The following B3GNT6 variants were observed in gnomAD, a reference collection of about 807,000 sequenced individuals.
B3GNT6 encodes the protein acetylgalactosaminyl-O-glycosyl-glycoprotein beta-1,3-N-acetylglucosaminyltransferase.
For missense variants in B3GNT6, 624 were observed against 568.6 expected (o/e 1.10, Z -0.99); for synonymous variants, 300 against 270.0 (o/e 1.11, Z -1.09).
chr11:77,040,285 T>C lies in B3GNT6; in HGVS notation c.734T>C (p.Leu245Pro), dbSNP rs1555027683. 1.3e-6 allele frequency: 2 copies of C among 1,593,372 alleles called. No homozygotes were observed. The highest frequency in any genetic ancestry group is 2.2e-5 in the South Asian group (2 of 89,962). ...FLQAQPPGRH[L>P]FSGQLMEGSV... ...CAGGCGCAGCCACCCGGCCGCCACC[T>C]GTTCTCCGGCCAGCTCATGGAGGGC... The change falls in exon 2 of 2, where the codon CTG becomes CCG. Residue 245 changes from leucine (L) to proline (P), a missense_variant. By Grantham distance (98) the Leu-to-Pro change is moderately conservative. Coordinates refer to ENST00000622824, the MANE Select transcript of B3GNT6 (RefSeq NM_138706.5).
chr11:77,036,346 T>C (rs7103667), intron 1 of B3GNT6, among the ~76,000 whole-genome samples: 47,738 of 152,060 alleles, frequency 0.31, 8,215 homozygotes, highest in South Asian at 0.44. Flanking sequence ...ACTCAGTGAT[T>C]ACATCCACAC....
chr11:77,040,260 C>A lies in B3GNT6; in HGVS notation c.709C>A (p.Gln237Lys), dbSNP rs1490101980. ...CACCGCCAACGTAGTCCGCTTCCTG[C>A]AGGCGCAGCCACCCGGCCGCCACCT... Reference protein sequence around the residue: ...VHTANVVRFLQAQPPGRHLFS... With the variant: ...VHTANVVRFLKAQPPGRHLFS... Residue 237 changes from glutamine to lysine, a missense_variant, in exon 2 of 2, where the codon CAG (glutamine) becomes AAG (lysine). Physicochemically the swap from Gln to Lys is moderately conservative, Grantham distance 53 (BLOSUM62 1). Coordinates refer to ENST00000622824, the MANE Select transcript of B3GNT6 (RefSeq NM_138706.5). 1.3e-6 allele frequency: 2 copies of A among 1,597,212 alleles called. No homozygotes were observed. Among genetic ancestry groups the A allele is most frequent in the Non-Finnish European group, 1.7e-6 (2 of 1,178,970 alleles).
intron 1 of B3GNT6, among the ~76,000 whole-genome samples, chr11:77,038,119 TAGAG>T (rs1949652593): frequency 2.0e-4 from 3 of 15,012 alleles, no homozygotes; most frequent in Admixed American, 1.0e-3. Context: ...GAAGGGAGGA[TAGAG>T]GAGGGAGGAG....
chr11:77,039,519 T>A lies in B3GNT6; in HGVS notation c.1-33T>A, dbSNP rs186525261. 8.9e-4 allele frequency: 1,360 copies of A among 1,531,796 alleles called. 10 individuals are homozygous for A. In the African/African-American group the frequency reaches 0.017, roughly 19 times the overall value. 94.9% of individuals were successfully genotyped at this position (1,531,796 alleles called of 1,614,324 possible). On this transcript the variant is annotated intron_variant, in intron 1 of 1. Transcript: ENST00000622824. The stretch of plus-strand genomic sequence containing the variant: ...TGTCCTGCCGGTGTCAAAGACGACT[T>A]CCGGCTCACCTCTGACTCGGTTTCC...
In B3GNT6 at chr11:77,040,442, G is replaced by C; in HGVS notation, c.891G>C (p.Ala297=). ...GCCCCACGGCCCGGGCCCTGCGCGCGGCCGCCCGCCACACCCCGCTCTTCC... is the reference window on the plus strand; with the variant it reads ...GCCCCACGGCCCGGGCCCTGCGCGCCGCCGCCCGCCACACCCCGCTCTTCC... ...LSGPTARALR[A]AARHTPLFPI... is the part of the protein sequence containing the mutation. The change falls in exon 2 of 2, where the codon GCG becomes GCC. Residue 297 remains alanine (A), a synonymous_variant. Transcript: ENST00000622824. The C allele has an allele frequency of 1.3e-6, 2 of 1,529,896 alleles. No homozygotes were observed. Among genetic ancestry groups the C allele is most frequent in the Non-Finnish European group, 1.7e-6 (2 of 1,144,442 alleles). The allele number at this position is 1,529,896 out of a possible 1,614,324, so 94.8% of individuals were successfully genotyped here. A position where few individuals can be genotyped will look rare whatever the true frequency, so the allele number is the denominator to read the frequency against.
chr11:77,034,539 T>C, intron 1 of B3GNT6, 61 bp downstream of exon 1: 1 of 152,788 alleles, frequency 6.5e-6, no homozygotes, highest in Non-Finnish European at 1.5e-5. Flanking sequence ...CTTCTTCGCA[T>C]TCCCCTCTAA....
At position 77,040,372 on chromosome 11, in the gene B3GNT6, C is replaced by T. The variant is rs1949675624; in HGVS notation, c.821C>T (p.Ser274Phe). The T allele has an allele frequency of 4.6e-6, 7 of 1,536,944 alleles. No individual in the cohort carries two copies. The highest frequency in any genetic ancestry group is 1.7e-4 in the Middle Eastern group (1 of 5,954). The change falls in exon 2 of 2, where the codon TCC becomes TTC. Residue 274 changes from serine (S) to phenylalanine (F), a missense_variant. Coordinates refer to ENST00000622824, the MANE Select transcript of B3GNT6 (RefSeq NM_138706.5). ...YFVPPQLFPG[S>F]AYPVYCSGGG... Reference sequence around the variant, plus strand: ...GTGCCGCCGCAGCTCTTCCCCGGGTCCGCTTACCCGGTGTACTGCAGCGGC... The same window carrying T: ...GTGCCGCCGCAGCTCTTCCCCGGGTTCGCTTACCCGGTGTACTGCAGCGGC...
chr11:77,039,833 G>A lies in B3GNT6; in HGVS notation c.282G>A (p.Arg94=), dbSNP rs1555027468. 1 of 1,574,758 alleles carries A rather than the reference G, an allele frequency of 6.4e-7. No individual in the cohort carries two copies. Among genetic ancestry groups the A allele is most frequent in the Non-Finnish European group, 8.6e-7 (1 of 1,166,824 alleles). Residue 94 remains arginine, a synonymous_variant, in exon 2 of 2, where the codon CGG becomes CGA. Coordinates refer to ENST00000622824, the MANE Select transcript of B3GNT6 (RefSeq NM_138706.5). ...QLPARIQDFL[R]YRHCRHFPLL... ...CCGCGCGCATCCAGGACTTCCTGCGGTACCGCCACTGCCGCCACTTCCCGC... is the reference window on the plus strand; with the variant it reads ...CCGCGCGCATCCAGGACTTCCTGCGATACCGCCACTGCCGCCACTTCCCGC...
At position 77,040,021 on chromosome 11, in the gene B3GNT6, T is replaced by C. The variant is rs782808940; in HGVS notation, c.470T>C (p.Leu157Ser). ...GGRPVRRLFLLGTPGPEDEAR... is the reference protein window; with the variant it reads ...GGRPVRRLFLSGTPGPEDEAR... ...CGGCCAGTGCGCCGCCTCTTTCTAT[T>C]GGGCACCCCGGGCCCCGAGGACGAG... The change falls in exon 2 of 2, where the codon TTG (leucine) becomes TCG (serine). Residue 157 changes from leucine to serine, a missense_variant. By Grantham distance (145) the Leu-to-Ser change is moderately radical (BLOSUM62 -2). Coordinates refer to ENST00000622824, the MANE Select transcript of B3GNT6 (RefSeq NM_138706.5). 3.2e-6 allele frequency: 5 copies of C among 1,579,196 alleles called. No homozygotes were observed. In the South Asian group the frequency reaches 4.5e-5, roughly 14 times the overall value.
At position 77,040,142 on chromosome 11, in the gene B3GNT6, C is replaced by A. The variant is rs782349177; in HGVS notation, c.591C>A (p.Leu197=). The A allele has an allele frequency of 1.9e-6, 3 of 1,599,186 alleles. No individual in the cohort carries two copies. Among genetic ancestry groups the A allele is most frequent in the Middle Eastern group, 1.7e-4 (1 of 6,058 alleles). Residue 197 remains leucine (L), a synonymous_variant, in exon 2 of 2, where the codon CTC becomes CTA. Coordinates refer to ENST00000622824, the MANE Select transcript of B3GNT6 (RefSeq NM_138706.5). ...CCTTCGCGGACACCTTCCTCAACCT[C>A]ACGCTCAAGCACCTGCACTTGCTCG... The part of the protein sequence containing the change: ...QWAFADTFLN[L]TLKHLHLLDW...
rs1555027604 is a variant in B3GNT6 at position 77,040,130 on chromosome 11, C to T, written c.579C>T (p.Thr193=). The T allele has an allele frequency of 6.3e-7, 1 of 1,598,640 alleles. No individual in the cohort carries two copies. Among genetic ancestry groups the T allele is most frequent in the East Asian group, 2.2e-5 (1 of 44,800 alleles). ...GDVLQWAFAD[T]FLNLTLKHLH... ...TGCTGCAGTGGGCCTTCGCGGACAC[C>T]TTCCTCAACCTCACGCTCAAGCACC... The change falls in exon 2 of 2, where the codon ACC becomes ACT. Residue 193 remains threonine, a synonymous_variant. Coordinates refer to ENST00000622824, the MANE Select transcript of B3GNT6 (RefSeq NM_138706.5).
intron 1 of B3GNT6, among the ~76,000 whole-genome samples, chr11:77,038,124 G>T (rs1390720483): frequency 2.6e-5 from 2 of 75,610 alleles, no homozygotes; most frequent in African/African-American, 1.1e-4. Flanking sequence ...GAGGATAGAG[G>T]AGGGAGGAGG....
chr11:77,040,787 G>T lies in B3GNT6; in HGVS notation c.*81G>T. ...AGCTTTCCCGCTCTGGGTACCTTAC[G>T]TCCTGCCCAGCTCTGTGCACCTGAA... is the stretch of plus-strand genomic sequence containing the variant. On this transcript the variant is annotated 3_prime_UTR_variant, in exon 2 of 2. Coordinates refer to ENST00000622824, the MANE Select transcript of B3GNT6 (RefSeq NM_138706.5). 2.1e-6 allele frequency: 3 copies of T among 1,457,972 alleles called. No homozygotes were observed. The highest frequency in any genetic ancestry group is 2.7e-6 in the Non-Finnish European group (3 of 1,111,016). The allele number at this position is 1,457,972 out of a possible 1,614,324, so 90.3% of individuals were successfully genotyped here. A position where few individuals can be genotyped will look rare whatever the true frequency, so the allele number is the denominator to read the frequency against.
rs1286930236 is a variant in B3GNT6, at chr11:77,035,579, C to G, written c.-1+1101C>G. Among the ~76,000 whole-genome samples, 7 of 152,216 alleles carry G rather than the reference C, an allele frequency of 4.6e-5. No individual in the cohort carries two copies. The East Asian group carries it at 1.2e-3, about 25-fold the overall frequency. ...TGACCTGGACTTACCGTGAGGTGAG[C>G]TGGAGGAGGTGGTATTTGAGCTGTG... On this transcript the variant is annotated intron_variant, in intron 1 of 1. Transcript: ENST00000622824.
At chr11:77,035,110 G>T (rs189390928) in intron 1 of B3GNT6, among the ~76,000 whole-genome samples, 2 of 152,216 alleles carry the variant, frequency 1.3e-5, no homozygotes, top group Non-Finnish European at 2.9e-5. Flanking sequence ...ACTGAGTCGA[G>T]AAAAAGAAAA....
In B3GNT6 at chr11:77,040,905, G is replaced by T. The variant is rs1474695630; in HGVS notation, c.*199G>T. On this transcript the variant is annotated 3_prime_UTR_variant, in exon 2 of 2. Transcript: ENST00000622824. The stretch of plus-strand genomic sequence containing the variant: ...CCCGAAGTTTCGATTTGATTAGTCT[G>T]GGGTGGACCCAGACATGTTAAGTAT... The T allele has an allele frequency of 1.2e-6, 1 of 852,858 alleles. No individual in the cohort carries two copies. Among genetic ancestry groups the T allele is most frequent in the Non-Finnish European group, 1.7e-6 (1 of 599,718 alleles). The allele number at this position is 852,858 out of a possible 1,614,324, so 52.8% of individuals were successfully genotyped here.
In B3GNT6 at chr11:77,037,034, A is replaced by G. The variant is rs535058617; in HGVS notation, c.1-2518A>G. On this transcript the variant is annotated intron_variant, in intron 1 of 1. Transcript: ENST00000622824. ...ATCAATCCAGGCAGGGGGACAGCAC[A>G]AGGAAAAGCTCTGAGGTAGCAAGAG... 4 of 152,544 alleles carry G rather than the reference A, an allele frequency of 2.6e-5. No individual in the cohort carries two copies. In the South Asian group the frequency reaches 6.2e-4, roughly 24 times the overall value. 9.4% of individuals were successfully genotyped at this position (152,544 alleles called of 1,614,324 possible).
Position 77,040,602 on chromosome 11 carries a change from G to T in B3GNT6, c.1051G>T (p.Glu351Ter). The change falls in exon 2 of 2, where the codon GAG becomes TAG. Residue 351 changes from glutamate (E) to a stop codon, truncating the protein, a stop_gained. Coordinates refer to ENST00000622824, the MANE Select transcript of B3GNT6 (RefSeq NM_138706.5). LOFTEE classifies it low-confidence loss of function (END_TRUNC). Reference sequence around the variant, plus strand: ...CTCCTTCGACCCCTGCATGTACCGCGAGTTGCTGCTAGTGCACCGCTTCGC... The same window carrying T: ...CTCCTTCGACCCCTGCATGTACCGCTAGTTGCTGCTAGTGCACCGCTTCGC... ...QSSFDPCMYR[E>*]LLLVHRFAPY... 6.9e-6 allele frequency: 11 copies of T among 1,596,748 alleles called. No homozygotes were observed. In the South Asian group the frequency reaches 1.2e-4, roughly 18 times the overall value.
Position 77,041,011 on chromosome 11 carries a change from G to T in B3GNT6, c.*305G>T. 1 of 354,002 alleles carries T rather than the reference G, an allele frequency of 2.8e-6. No individual in the cohort carries two copies. The allele number at this position is 354,002 out of a possible 1,614,324, so 21.9% of individuals were successfully genotyped here. On this transcript the variant is annotated 3_prime_UTR_variant, in exon 2 of 2. Transcript: ENST00000622824. ...TAGACTATCTCTTCATCCTCGCAAA[G>T]CCAGCTCCACCGCCCTCTCTGCAAG...
Sources: gnomAD v4.1 joint callset for allele counts (sites outside exome capture counted in the v4.1 genomes callset) on GRCh38, gnomAD v4.1.1 for gene constraint, MANE v1.5 for transcripts, NCBI Gene and HGNC (gene_info 2026-07-23, HGNC 2026-07-21) for gene names.